Variants in MRAP2 observed in about 807,000 individuals in gnomAD.
MRAP2 encodes the protein melanocortin 2 receptor accessory protein 2, also known as melanocortin-2 receptor accessory protein 2.
Under a neutral mutation model 17.4 loss-of-function variants are expected in MRAP2, and 20 were observed. The ratio of observed to expected loss-of-function variants is 1.15; its 90% CI spans 0.81 to 1.67. The LOEUF is 1.67. Ranked by LOEUF, MRAP2 falls within the 40% of genes most tolerant of loss-of-function variation. MRAP2 has a pLI of 0.00. For synonymous variants in MRAP2, 96 were observed against 88.4 expected, an observed-to-expected ratio of 1.09 and a Z score of -0.48; for missense variants, 238 against 240.0, an observed-to-expected ratio of 0.99 and a Z score of 0.05.
At chr6:84,130,578 A>G in the MRAP2 span, among the ~76,000 whole-genome samples, 1 of 152,122 alleles carries the variant, frequency 6.6e-6, no homozygotes, top group Non-Finnish European at 1.5e-5. Flanking sequence ...TTCCTCGTTT[A>G]GACTTGGGAG....
intron 1 of MRAP2, among the ~76,000 whole-genome samples, chr6:84,038,201 G>A (rs1408286534): frequency 6.6e-6 from 1 of 152,266 alleles, no homozygotes; most frequent in African/African-American, 2.4e-5. Flanking sequence ...GGAATGAGCA[G>A]CCAGCTGAAG....
chr6:84,120,033 G>A, the MRAP2 span, among the ~76,000 whole-genome samples: 1 of 152,192 alleles, frequency 6.6e-6, no homozygotes, highest in Non-Finnish European at 1.5e-5. Flanking sequence ...GCAAGCTGGA[G>A]AAATGAAAGC....
intron 1 of MRAP2, among the ~76,000 whole-genome samples, chr6:84,052,350 T>C (rs1053636378): frequency 1.3e-5 from 2 of 152,158 alleles, no homozygotes; most frequent in Admixed American, 6.5e-5. Context: ...GCCGAGATCA[T>C]GCACACTGTG....
chr6:84,106,794 A>T, the MRAP2 span, among the ~76,000 whole-genome samples: 2 of 152,056 alleles, frequency 1.3e-5, no homozygotes, highest in African/African-American at 4.8e-5. Flanking sequence ...TACCATTTCC[A>T]TTTGATGATG....
chr6:84,135,047 G>A, the MRAP2 span, among the ~76,000 whole-genome samples: 1 of 151,766 alleles, frequency 6.6e-6, no homozygotes, highest in Non-Finnish European at 1.5e-5. Context: ...GTACACACAT[G>A]AGAACCATAT....
intron 1 of MRAP2, among the ~76,000 whole-genome samples, chr6:84,039,856 G>C (rs2099487058): frequency 6.6e-6 from 1 of 152,216 alleles, no homozygotes; most frequent in Non-Finnish European, 1.5e-5. Flanking sequence ...GGAGCTGAGT[G>C]AGAGAATGTG....
intron 1 of MRAP2, among the ~76,000 whole-genome samples, chr6:84,039,842 A>G (rs557604507): frequency 1.1e-4 from 17 of 152,316 alleles, no homozygotes; most frequent in African/African-American, 4.1e-4. Flanking sequence ...AGAGAGAAAA[A>G]TTAGGAGCTG....
At chr6:84,039,858 G>A (rs113652790) in intron 1 of MRAP2, among the ~76,000 whole-genome samples, 1,885 of 152,308 alleles carry the variant, frequency 0.012, 44 homozygotes, top group African/African-American at 0.043. Flanking sequence ...AGCTGAGTGA[G>A]AGAATGTGGT....
the MRAP2 span, among the ~76,000 whole-genome samples, chr6:84,106,692 A>G: frequency 6.6e-6 from 1 of 152,142 alleles, no homozygotes; most frequent in Admixed American, 6.6e-5. Context: ...AAAGAAGACA[A>G]TATAACAGGA....
intron 1 of MRAP2, among the ~76,000 whole-genome samples, chr6:84,051,251 A>T (rs2480187): frequency 0.081 from 12,255 of 152,200 alleles, 850 homozygotes; most frequent in African/African-American, 0.18. Context: ...GAATTGCTTG[A>T]TCCATTTTTA....
At chr6:84,098,583 C>T in the MRAP2 span, among the ~76,000 whole-genome samples, 1 of 152,130 alleles carries the variant, frequency 6.6e-6, no homozygotes, top group South Asian at 2.1e-4. Context: ...TTAACTTTCT[C>T]ATAGTGTATG....
chr6:84,110,522 T>C, the MRAP2 span, among the ~76,000 whole-genome samples: 5 of 152,196 alleles, frequency 3.3e-5, no homozygotes, highest in Admixed American at 2.0e-4. Context: ...TTTTCTACGA[T>C]AGATTGCAAA....
At chr6:84,144,383 A>G in the MRAP2 span, among the ~76,000 whole-genome samples, 1 of 152,072 alleles carries the variant, frequency 6.6e-6, no homozygotes, top group South Asian at 2.1e-4. Flanking sequence ...TAATATCTTA[A>G]TGTTGTATTG....
chr6:84,064,742 C>A (rs1408099733), intron 3 of MRAP2, among the ~76,000 whole-genome samples: 1 of 152,160 alleles, frequency 6.6e-6, no homozygotes, highest in Non-Finnish European at 1.5e-5. Flanking sequence ...CCGCCTTGGC[C>A]TCCCAAAGTG....
rs143864212 is a variant in MRAP2 at position 84,067,800 on chromosome 6, G to A, written c.227+4808G>A. Among the ~76,000 whole-genome samples the A allele has an allele frequency of 6.0e-3, 902 of 150,130 alleles. 5 individuals are homozygous for A. The highest frequency in any genetic ancestry group is 0.021 in the African/African-American group (870 of 40,800). On this transcript the variant is annotated intron_variant, in intron 3 of 3. Coordinates refer to ENST00000257776, the MANE Select transcript of MRAP2 (RefSeq NM_138409.4). ...GATTCTGGATATTAGTCCTTTGTCA[G>A]ATGTATGGATTGTGAAGATTTTCTC...
At chr6:84,135,614 G>A in the MRAP2 span, among the ~76,000 whole-genome samples, 14 of 151,096 alleles carry the variant, frequency 9.3e-5, no homozygotes, top group East Asian at 1.3e-3. Flanking sequence ...TGTAATCCCA[G>A]CTCTTTGGGA....
At chr6:84,124,763 A>G in the MRAP2 span, 2 of 332,454 alleles carry the variant, frequency 6.0e-6, no homozygotes, top group Non-Finnish European at 1.1e-5. Context: ...ATCAATAAAA[A>G]TGTGGCGGAG....
At chr6:84,125,350 T>G in the MRAP2 span, 1 of 1,306,118 alleles carries the variant, frequency 7.7e-7, no homozygotes, top group South Asian at 1.2e-5. Flanking sequence ...AATCTTAAAG[T>G]AGGCAAACCT....
intron 3 of MRAP2, among the ~76,000 whole-genome samples, chr6:84,079,059 G>T (rs1209804672): frequency 6.6e-6 from 1 of 152,108 alleles, no homozygotes; most frequent in Non-Finnish European, 1.5e-5. Context: ...CTATTCTTAG[G>T]TATTTATTCA....
Sources: allele counts gnomAD v4.1 joint callset (sites outside exome capture counted in the v4.1 genomes callset), GRCh38; gene constraint gnomAD v4.1.1; transcripts MANE v1.5; gene names NCBI Gene and HGNC (gene_info 2026-07-23, HGNC 2026-07-21).